The following REC114 variants were observed in gnomAD, a reference collection of about 807,000 sequenced individuals.
REC114 encodes the protein meiotic recombination protein REC114.
In REC114, 27 loss-of-function variants were observed where a neutral mutation model predicts 31.3. The ratio of observed to expected loss-of-function variants is 0.86; its 90% CI spans 0.64 to 1.19. REC114 has a LOEUF of 1.19. Ranked by LOEUF, REC114 falls within the 50% of genes most tolerant of loss-of-function variation. The pLI is 0.00. For synonymous variants in REC114, 134 were observed against 127.7 expected, an observed-to-expected ratio of 1.05 and a Z score of -0.33; for missense variants, 344 against 326.9, an observed-to-expected ratio of 1.05 and a Z score of -0.40.
At chr15:73,532,841 G>A (rs1477823439) in intron 2 of REC114, among the ~76,000 whole-genome samples, 3 of 151,662 alleles carry the variant, frequency 2.0e-5, no homozygotes, top group African/African-American at 7.3e-5. Flanking sequence ...GGATCTCTCG[G>A]CAGAAACCCT....
intron 2 of REC114, among the ~76,000 whole-genome samples, chr15:73,536,656 T>C (rs1035649807): frequency 1.3e-5 from 2 of 152,174 alleles, no homozygotes; most frequent in Admixed American, 1.3e-4. Flanking sequence ...AGATCAGTTA[T>C]TGAAATTTAT....
chr15:73,471,704 C>A (rs766575727), intron 1 of REC114, among the ~76,000 whole-genome samples: 3 of 151,780 alleles, frequency 2.0e-5, no homozygotes, highest in Non-Finnish European at 4.4e-5. Context: ...TTCTATCCAA[C>A]AAGAGACATA....
intron 1 of REC114, among the ~76,000 whole-genome samples, chr15:73,447,413 C>G (rs1296242419): frequency 1.3e-5 from 2 of 152,056 alleles, no homozygotes; most frequent in African/African-American, 4.8e-5. Context: ...CCAAAGAAGA[C>G]TGATAAGAGG....
intron 4 of REC114, 139 bp downstream of exon 4, chr15:73,551,289 T>A: frequency 7.0e-6 from 6 of 861,198 alleles, no homozygotes; most frequent in Non-Finnish European, 1.1e-5. Flanking sequence ...TTTTTAAAAT[T>A]GAGGTCGATA....
At chr15:73,470,628 C>G (rs777403108) in intron 1 of REC114, among the ~76,000 whole-genome samples, 14 of 152,186 alleles carry the variant, frequency 9.2e-5, no homozygotes, top group Non-Finnish European at 2.1e-4. Flanking sequence ...AAAAAAATCT[C>G]TATCTTCATG....
intron 1 of REC114, among the ~76,000 whole-genome samples, chr15:73,457,596 T>TC (rs752696662): frequency 4.6e-5 from 7 of 151,830 alleles, no homozygotes; most frequent in Non-Finnish European, 1.0e-4. Context: ...AGGGCTCACT[T>TC]CCTTCATTTT....
intron 2 of REC114, among the ~76,000 whole-genome samples, chr15:73,510,374 C>T (rs1021166096): frequency 6.6e-6 from 1 of 152,166 alleles, no homozygotes; most frequent in African/African-American, 2.4e-5. Context: ...GATATACAAT[C>T]ATGTCGTCTG....
intron 1 of REC114, among the ~76,000 whole-genome samples, chr15:73,466,126 C>G (rs1486733853): frequency 1.3e-5 from 2 of 151,662 alleles, no homozygotes; most frequent in Non-Finnish European, 2.9e-5. Flanking sequence ...GCTGGGATTA[C>G]AGGCATGAGC....
chr15:73,556,358 A>C lies in REC114; in HGVS notation c.603A>C (p.Pro201=), dbSNP rs1378861577. 6.2e-7 allele frequency: 1 copy of C among 1,613,696 alleles called. No homozygotes were observed. The highest frequency in any genetic ancestry group is 1.3e-5 in the African/African-American group (1 of 74,916). Residue 201 remains proline, a synonymous_variant, in exon 5 of 6, where the codon CCA becomes CCC. Coordinates refer to ENST00000331090, the MANE Select transcript of REC114 (RefSeq NM_001042367.2). ...QVCVTAGTGA[P]DGRTSLTQLA... is the part of the protein sequence containing the mutation. ...GTGTAACAGCGGGCACAGGCGCTCC[A>C]GACGGAAGGACCTCACTGACGCAGT...
At chr15:73,484,932 A>C (rs1385254545) in intron 2 of REC114, among the ~76,000 whole-genome samples, 3 of 152,190 alleles carry the variant, frequency 2.0e-5, no homozygotes, top group Non-Finnish European at 4.4e-5. Flanking sequence ...ACCAGTGAAA[A>C]TGCTATATTC....
At chr15:73,497,783 A>G (rs575108027) in intron 2 of REC114, among the ~76,000 whole-genome samples, 1 of 152,168 alleles carries the variant, frequency 6.6e-6, no homozygotes. Flanking sequence ...GTGTCCACTT[A>G]TTTCTATAGG....
At chr15:73,480,472 AT>A (rs1202264201) in intron 2 of REC114, among the ~76,000 whole-genome samples, 2 of 152,150 alleles carry the variant, frequency 1.3e-5, no homozygotes, top group African/African-American at 4.8e-5. Context: ...AAGAATACAT[AT>A]TTAAAATATA....
intron 2 of REC114, among the ~76,000 whole-genome samples, chr15:73,476,811 T>C (rs117850608): frequency 0.03 from 4,594 of 152,334 alleles, 117 homozygotes; most frequent in Non-Finnish European, 0.046. Context: ...GTTTTCATTT[T>C]TTCAGCTGTT....
chr15:73,446,408 G>A (rs928207173), intron 1 of REC114, among the ~76,000 whole-genome samples: 2 of 152,208 alleles, frequency 1.3e-5, no homozygotes, highest in African/African-American at 4.8e-5. Flanking sequence ...GGGAGGCTGA[G>A]GCAGGCGGAT....
intron 2 of REC114, among the ~76,000 whole-genome samples, chr15:73,485,878 C>G (rs1298969549): frequency 2.5e-4 from 38 of 152,190 alleles, no homozygotes; most frequent in Admixed American, 2.5e-3. Context: ...TCACCCCCTC[C>G]CACATTTAAA....
chr15:73,495,033 A>G (rs1893499336), intron 2 of REC114, among the ~76,000 whole-genome samples: 1 of 152,148 alleles, frequency 6.6e-6, no homozygotes, highest in Non-Finnish European at 1.5e-5. Flanking sequence ...ATTCCCGACA[A>G]TTTTTAAAAG....
intron 1 of REC114, among the ~76,000 whole-genome samples, chr15:73,452,175 GA>G (rs1225260798): frequency 6.6e-6 from 1 of 152,168 alleles, no homozygotes; most frequent in Admixed American, 6.5e-5. Flanking sequence ...ATTCAGATAG[GA>G]AAAGAGGAAG....
At position 73,541,105 on chromosome 15, in the gene REC114, T is replaced by G. The variant is rs532129376; in HGVS notation, c.333+537T>G. Among the ~76,000 whole-genome samples the G allele has an allele frequency of 7.2e-5, 11 of 152,258 alleles. No homozygotes were observed. In the South Asian group the frequency reaches 2.3e-3, roughly 32 times the overall value. On this transcript the variant is annotated intron_variant, in intron 3 of 5. Transcript: ENST00000331090. ...GGAGTAGATAATATTGAAATTTAAG[T>G]GAAAGATACTAATTTTTGAGGGACT...
rs541588178 is a variant in REC114, at chr15:73,553,410, ATAAGG to A, written c.546+2263_546+2267del. 5.1e-4 allele frequency among the ~76,000 whole-genome samples: 78 copies of A among 152,264 alleles called. 2 individuals carry two copies. The South Asian group carries it at 0.016, about 31-fold the overall frequency. On this transcript the variant is annotated intron_variant, in intron 4 of 5. Transcript: ENST00000331090. ...CCTCCCTACAAATGGGTTGGTTGTTATAAGGTATTTTATTGCTTATGATCCTTTGC... is the reference window on the plus strand; with the variant it reads ...CCTCCCTACAAATGGGTTGGTTGTTATATTTTATTGCTTATGATCCTTTGC...
Sources: allele counts gnomAD v4.1 joint callset (sites outside exome capture counted in the v4.1 genomes callset), GRCh38; gene constraint gnomAD v4.1.1; transcripts MANE v1.5; gene names NCBI Gene and HGNC (gene_info 2026-07-23, HGNC 2026-07-21).